The following TSC1 variants were observed in gnomAD, a reference collection of about 807,000 sequenced individuals.
TSC1 encodes the protein TSC complex subunit 1, also known as hamartin.
TSC1 carries 20 observed loss-of-function variants against 124.3 expected under a neutral mutation model. That is an observed-to-expected ratio of 0.16 (90% confidence interval 0.11 to 0.23). The LOEUF (loss-of-function observed/expected upper bound fraction) is 0.23, where lower values mean the gene tolerates loss of function less well. TSC1 is among the 10% of genes least tolerant of loss of function. TSC1 has a pLI of 1.00. For synonymous variants in TSC1, 493 were observed against 539.1 expected (o/e 0.91, Z 1.19); for missense variants, 1,124 against 1,448.5 (o/e 0.78, Z 3.64).
chr9:132,916,850 T>C (rs1038589224), intron 8 of TSC1, among the ~76,000 whole-genome samples: 2 of 152,218 alleles, frequency 1.3e-5, no homozygotes, highest in Non-Finnish European at 2.9e-5. Flanking sequence ...ACACTTTCCC[T>C]GGACATGGTC....
intron 8 of TSC1, among the ~76,000 whole-genome samples, chr9:132,913,994 A>G (rs2132034832): frequency 7.4e-6 from 1 of 134,422 alleles, no homozygotes; most frequent in African/African-American, 2.9e-5. Flanking sequence ...CACCTTCTGG[A>G]TTCAAGCAAT....
chr9:132,938,971 G>A (rs1364533613), intron 1 of TSC1: 1 of 152,186 alleles, frequency 6.6e-6, no homozygotes, highest in East Asian at 1.9e-4. Flanking sequence ...ATGTAAAAAT[G>A]TACTGCATGT....
At position 132,904,401 on chromosome 9, in the gene TSC1, A is replaced by G; in HGVS notation, c.2041+10T>C. On this transcript the variant is annotated intron_variant, in intron 16 of 22. Coordinates refer to ENST00000298552, the MANE Select transcript of TSC1 (RefSeq NM_000368.5). Reference sequence around the variant, plus strand: ...GTGGGCTGGATTTGGAGCTAAAGTAACAACTTTACCTCCAAAGTGGGTCCA... The same window carrying G: ...GTGGGCTGGATTTGGAGCTAAAGTAGCAACTTTACCTCCAAAGTGGGTCCA... 6.2e-7 allele frequency: 1 copy of G among 1,613,912 alleles called. No individual in the cohort carries two copies. The highest frequency in any genetic ancestry group is 8.5e-7 in the Non-Finnish European group (1 of 1,179,910).
rs1226490074 is a variant in TSC1, at chr9:132,897,476, G to A, written c.2760C>T (p.Asp920=). 2 of 1,614,106 alleles carry A rather than the reference G, an allele frequency of 1.2e-6. No homozygotes were observed. Among genetic ancestry groups the A allele is most frequent in the Non-Finnish European group, 1.7e-6 (2 of 1,180,024 alleles). Reference sequence around the variant, plus strand: ...ATTTCTTCTGTTCCAAAAGAAGGTGGTCTTTCTTGGCCAGGTGAGATTCCA... The same window carrying A: ...ATTTCTTCTGTTCCAAAAGAAGGTGATCTTTCTTGGCCAGGTGAGATTCCA... ...LELESHLAKK[D]HLLLEQKKYL... is the part of the protein sequence containing the mutation. The change falls in exon 21 of 23, where the codon GAC becomes GAT. Residue 920 remains aspartate, a synonymous_variant. Coordinates refer to ENST00000298552, the MANE Select transcript of TSC1 (RefSeq NM_000368.5).
chr9:132,929,561 C>T (rs1847095331), intron 2 of TSC1, among the ~76,000 whole-genome samples: 1 of 152,188 alleles, frequency 6.6e-6, no homozygotes, highest in African/African-American at 2.4e-5. Flanking sequence ...TCTTCAAAAA[C>T]TCACCCTTCA....
chr9:132,910,349 G>A (rs1588320632), intron 12 of TSC1: 1 of 722,976 alleles, frequency 1.4e-6, no homozygotes, highest in East Asian at 2.7e-5. Flanking sequence ...TGACCTGCTG[G>A]GTTCCCCACA....
At chr9:132,941,458 T>C (rs181470367) in intron 1 of TSC1, 1 of 152,294 alleles carries the variant, frequency 6.6e-6, no homozygotes, top group African/African-American at 2.4e-5. Flanking sequence ...GAGTATTTCA[T>C]GCTACCCAAA....
chr9:132,908,135 G>A (rs1050176283), intron 12 of TSC1, among the ~76,000 whole-genome samples: 8 of 145,134 alleles, frequency 5.5e-5, no homozygotes, highest in Non-Finnish European at 1.2e-4. Context: ...AATCCCAAGA[G>A]CTTTTACGAG....
chr9:132,930,016 C>T lies in TSC1; in HGVS notation c.-80-1064G>A, dbSNP rs532919178. 3.2e-4 allele frequency among the ~76,000 whole-genome samples: 48 copies of T among 152,260 alleles called. 1 individual carries two copies. The South Asian group carries it at 8.1e-3, about 26-fold the overall frequency. The stretch of plus-strand genomic sequence containing the variant: ...GTGATGTGGTGTGAGCAGGTATCAT[C>T]CTTATTTTACACATGGGGATATGCA... On this transcript the variant is annotated intron_variant, in intron 2 of 22. Transcript: ENST00000298552.
chr9:132,944,986 C>T (rs1230089110), upstream of TSC1, among the ~76,000 whole-genome samples: 3 of 152,004 alleles, frequency 2.0e-5, no homozygotes, highest in Non-Finnish European at 4.4e-5. Context: ...GGCGGAGAGG[C>T]GTAAACAAGC....
intron 6 of TSC1, among the ~76,000 whole-genome samples, chr9:132,922,422 T>C (rs370737057): frequency 1.5e-4 from 23 of 152,350 alleles, no homozygotes; most frequent in South Asian, 1.2e-3. Flanking sequence ...ACCTGATATT[T>C]AACAAGCACT....
chr9:132,916,634 T>C (rs997746834), intron 8 of TSC1, among the ~76,000 whole-genome samples: 9 of 152,258 alleles, frequency 5.9e-5, no homozygotes, highest in Non-Finnish European at 1.0e-4. Context: ...GTTCTGTTTC[T>C]CTTCCTCACT....
Position 132,902,617 on chromosome 9 carries a change from G to A in TSC1, c.2379C>T (p.Ser793=), listed in dbSNP as rs1178471687. 6.2e-7 allele frequency: 1 copy of A among 1,614,020 alleles called. No individual in the cohort carries two copies. The highest frequency in any genetic ancestry group is 2.2e-5 in the East Asian group (1 of 44,878). Residue 793 remains serine (S), a synonymous_variant, in exon 18 of 23, where the codon AGC becomes AGT. Transcript: ENST00000298552. This position sits in a 1 kb window ranked among gnomAD's most constrained non-coding sequence, Gnocchi z 5.2. ...CTGCAGTTTATACCTGTAATTCCTGGCTCTGGTTGTAGAATTCCTCTCGGT... is the reference window on the plus strand; with the variant it reads ...CTGCAGTTTATACCTGTAATTCCTGACTCTGGTTGTAGAATTCCTCTCGGT... ...QHDREEFYNQ[S]QELQTKLEDC... is the part of the protein sequence containing the mutation.
rs2132145864 is a variant in TSC1 at position 132,921,757 on chromosome 9, T to C, written c.663+62A>G. On this transcript the variant is annotated intron_variant, in intron 7 of 22. Coordinates refer to ENST00000298552, the MANE Select transcript of TSC1 (RefSeq NM_000368.5). The surrounding 1 kb of genome is among the most constrained non-coding windows in gnomAD (Gnocchi z 4.3). ...CCTGTCTGCCGTTAAATACAAAAGG[T>C]ATAAATGCAGCCTATCTAAACAGTA... The C allele has an allele frequency of 6.3e-7, 1 of 1,599,606 alleles. No homozygotes were observed. The highest frequency in any genetic ancestry group is 1.1e-5 in the South Asian group (1 of 90,542).
In TSC1 at chr9:132,903,999, C is replaced by G. The variant is rs1235397584; in HGVS notation, c.2042-182G>C. On this transcript the variant is annotated intron_variant, in intron 16 of 22. Coordinates refer to ENST00000298552, the MANE Select transcript of TSC1 (RefSeq NM_000368.5). The surrounding 1 kb of genome is among the most constrained non-coding windows in gnomAD (Gnocchi z 5.9). ...GGGGAAAGTATGGACTATGTGTCTC[C>G]CCCGTGAAGGAATGCAAAAGGTCAT... 6.6e-6 allele frequency among the ~76,000 whole-genome samples: 1 copy of G among 152,136 alleles called. No homozygotes were observed. The highest frequency in any genetic ancestry group is 1.5e-5 in the Non-Finnish European group (1 of 68,034).
chr9:132,911,190 G>A, intron 10 of TSC1, 77 bp from the exon 11 acceptor site: 1 of 1,215,044 alleles, frequency 8.2e-7, no homozygotes, highest in Non-Finnish European at 1.2e-6. Context: ...CATGGCCAGT[G>A]TTCAGCTTAA....
chr9:132,928,276 G>A (rs1455842611), intron 3 of TSC1, among the ~76,000 whole-genome samples: 2 of 152,130 alleles, frequency 1.3e-5, no homozygotes, highest in East Asian at 3.9e-4. Context: ...GGCCCAAATG[G>A]TATGTGTTTT....
intron 8 of TSC1, among the ~76,000 whole-genome samples, chr9:132,918,131 A>G (rs1289848909): frequency 6.6e-6 from 1 of 152,222 alleles, no homozygotes; most frequent in Non-Finnish European, 1.5e-5. Context: ...CACTGTCTAC[A>G]GTAAAGACTT....
rs1847982432 is a variant in TSC1 at position 132,944,588 on chromosome 9, C to T, written c.-189G>A. On this transcript the variant is annotated 5_prime_UTR_variant, in exon 1 of 23. Transcript: ENST00000298552. ...GCTGTTTACCTCACAGTCCCTCCAG[C>T]CTACAGGGCGCCGCCATCTTGGACG... 3 of 398,950 alleles carry T rather than the reference C, an allele frequency of 7.5e-6. No homozygotes were observed. The highest frequency in any genetic ancestry group is 1.3e-5 in the Non-Finnish European group (3 of 226,314). 24.7% of individuals were successfully genotyped at this position (398,950 alleles called of 1,614,324 possible). A position where few individuals can be genotyped will look rare whatever the true frequency, so the allele number is the denominator to read the frequency against.
Sources: allele counts gnomAD v4.1 joint callset (sites outside exome capture counted in the v4.1 genomes callset), GRCh38; gene constraint gnomAD v4.1.1; non-coding constraint Gnocchi (gnomAD v3.1); transcripts MANE v1.5; gene names NCBI Gene and HGNC (gene_info 2026-07-23, HGNC 2026-07-21).